CHD5: variants seen among roughly 807,000 people sequenced by gnomAD.
CHD5 encodes the protein ATP-dependent chromatin remodeler CHD5.
Under a neutral mutation model 230.3 loss-of-function variants are expected in CHD5, and 69 were observed. The ratio of observed to expected loss-of-function variants is 0.30; its 90% CI spans 0.25 to 0.37. The LOEUF (loss-of-function observed/expected upper bound fraction) is 0.37. Among genes scored for constraint, CHD5 ranks in the 10% least tolerant of loss-of-function variants. The pLI, the probability that CHD5 is intolerant of heterozygous loss-of-function variation, is 1.00. For synonymous variants in CHD5, 1,064 were observed against 1,065.9 expected (o/e 1.00, Z 0.03); for missense variants, 1,827 against 2,622.8 (o/e 0.70, Z 6.63).
Position 6,114,904 on chromosome 1 carries a change from C to A in CHD5, c.4913-1906G>T, listed in dbSNP as rs28592235. On this transcript the variant is annotated intron_variant, in intron 33 of 41. Coordinates refer to ENST00000262450, the MANE Select transcript of CHD5 (RefSeq NM_015557.3). ...TGGCAGGCACCTGTAATCCCAGCTA[C>A]TCAGGAGGCTGAGGCAGGAGAATCA... Among the ~76,000 whole-genome samples the A allele has an allele frequency of 9.8e-3, 1,483 of 151,946 alleles. 21 individuals carry two copies. Among genetic ancestry groups the A allele is most frequent in the Admixed American group, 0.019 (296 of 15,262 alleles).
At chr1:6,117,238 TAA>T (rs1666391949) in intron 33 of CHD5, among the ~76,000 whole-genome samples, 2 of 152,054 alleles carry the variant, frequency 1.3e-5, no homozygotes, top group African/African-American at 4.8e-5. Context: ...ACAACAAATG[TAA>T]AGAGATTAAA....
chr1:6,150,770 G>C (rs1220161863), intron 7 of CHD5, among the ~76,000 whole-genome samples: 2 of 152,096 alleles, frequency 1.3e-5, no homozygotes, highest in African/African-American at 4.8e-5. Context: ...ATGCCCTGGG[G>C]TAGCTCCCAC....
At chr1:6,111,646 G>A (rs979677736) in intron 36 of CHD5, 129 bp downstream of exon 36, 5 of 704,874 alleles carry the variant, frequency 7.1e-6, no homozygotes, top group Non-Finnish European at 1.2e-5. Flanking sequence ...AGGATTTCTA[G>A]CCACCGCCAG....
chr1:6,121,652 G>C lies in CHD5; in HGVS notation c.4700-79C>G. ...GGGCAGGGAGTGGGGTGGCAGAGAG[G>C]AGAGATGGGGGCTTGGCCTTCGGGA... On this transcript the variant is annotated intron_variant, in intron 31 of 41. Transcript: ENST00000262450. This position sits in a 1 kb window ranked among gnomAD's most constrained non-coding sequence, Gnocchi z 4.5. The C allele has an allele frequency of 2.0e-6, 2 of 1,016,300 alleles. No homozygotes were observed. The highest frequency in any genetic ancestry group is 3.0e-6 in the Non-Finnish European group (2 of 671,994). 63.0% of individuals were successfully genotyped at this position (1,016,300 alleles called of 1,614,324 possible). A position where few individuals can be genotyped will look rare whatever the true frequency, so the allele number is the denominator to read the frequency against.
In CHD5 at chr1:6,121,916, C is replaced by T. The variant is rs1212645841; in HGVS notation, c.4700-343G>A. Among the ~76,000 whole-genome samples the T allele has an allele frequency of 2.6e-5, 4 of 152,204 alleles. No homozygotes were observed. Among genetic ancestry groups the T allele is most frequent in the African/African-American group, 7.2e-5 (3 of 41,466 alleles). ...CGACACCCGCTCTGGTCCCAGCTTT[C>T]GGGCGGGCTGGCTGGTGTGTGCCTC... On this transcript the variant is annotated intron_variant, in intron 31 of 41. Transcript: ENST00000262450. The surrounding 1 kb of genome is among the most constrained non-coding windows in gnomAD (Gnocchi z 4.5).
In CHD5 at chr1:6,178,966, C is replaced by A. The variant is rs114300162; in HGVS notation, c.79+979G>T. Among the ~76,000 whole-genome samples the A allele has an allele frequency of 6.6e-3, 1,005 of 152,174 alleles. 12 individuals are homozygous for A. Among genetic ancestry groups the A allele is most frequent in the African/African-American group, 0.023 (955 of 41,508 alleles). ...AAGTCCAGAGAGGCCACAGACTTGG[C>A]GCAGGGAAGCCGAGAAGTAAGAGTC... On this transcript the variant is annotated intron_variant, in intron 1 of 41. Transcript: ENST00000262450.
In CHD5 at chr1:6,160,169, C is replaced by T. The variant is rs568529651; in HGVS notation, c.208-654G>A. On this transcript the variant is annotated intron_variant, in intron 2 of 41. Coordinates refer to ENST00000262450, the MANE Select transcript of CHD5 (RefSeq NM_015557.3). The stretch of plus-strand genomic sequence containing the variant: ...GAAGGGCCCCAGCAAGGGAAGAGCC[C>T]CAGCCAGGGAAGGGCCCCAGCCAGA... 2.9e-5 allele frequency among the ~76,000 whole-genome samples: 3 copies of T among 103,232 alleles called. No individual in the cohort carries two copies. The East Asian group carries it at 1.1e-3, about 37-fold the overall frequency. 67.7% of individuals were successfully genotyped at this position (103,232 alleles called of 152,430 possible).
chr1:6,172,754 C>T (rs1282185423), intron 1 of CHD5, among the ~76,000 whole-genome samples: 1 of 152,134 alleles, frequency 6.6e-6, no homozygotes, highest in Non-Finnish European at 1.5e-5. Flanking sequence ...TCACAGGTCC[C>T]TCAAGGGGGT....
chr1:6,119,657 GAAC>G (rs1319845226), intron 33 of CHD5, among the ~76,000 whole-genome samples: 6 of 151,644 alleles, frequency 4.0e-5, no homozygotes, highest in Non-Finnish European at 5.9e-5. Flanking sequence ...TTAAAAACTT[GAAC>G]AATATAATTA....
In CHD5 at chr1:6,135,308, C is replaced by T. The variant is rs2100851477; in HGVS notation, c.2792G>A (p.Arg931Gln). The T allele has an allele frequency of 6.2e-7, 1 of 1,614,120 alleles. No homozygotes were observed. The highest frequency in any genetic ancestry group is 8.5e-7 in the Non-Finnish European group (1 of 1,180,032). ...GTTCTTGAACACGTCAGCCTTGAGC[C>T]GCCTGAGCATGTGCGGCCCCAGCAG... ...HDLLGPHMLR[R>Q]LKADVFKNMP... The change falls in exon 18 of 42, where the codon CGG becomes CAG. Residue 931 changes from arginine to glutamine, a missense_variant. Physicochemically the swap from Arg to Gln is conservative, Grantham distance 43. Around this residue, in one of 14 missense-constraint regions of CHD5, gnomAD observed 52 missense variants for 164.5 expected, o/e 0.32. Transcript: ENST00000262450.
chr1:6,175,824 T>C (rs1667418487), intron 1 of CHD5, among the ~76,000 whole-genome samples: 1 of 150,028 alleles, frequency 6.7e-6, no homozygotes, highest in South Asian at 2.1e-4. Context: ...CATGGATACA[T>C]GGATGCATGG....
chr1:6,173,167 C>T (rs1451900378), intron 1 of CHD5, among the ~76,000 whole-genome samples: 8 of 150,860 alleles, frequency 5.3e-5, no homozygotes, highest in Admixed American at 2.6e-4. Context: ...TGCAGTGGCG[C>T]GATCTCGGCT....
chr1:6,166,474 G>A (rs1667256750), intron 2 of CHD5, among the ~76,000 whole-genome samples: 1 of 151,976 alleles, frequency 6.6e-6, no homozygotes, highest in South Asian at 2.1e-4. Flanking sequence ...CCCCAGCAAA[G>A]AGCACCGGGG....
chr1:6,159,165 G>A (rs974263906), intron 3 of CHD5, among the ~76,000 whole-genome samples, 171 bp downstream of exon 3: 1 of 151,600 alleles, frequency 6.6e-6, no homozygotes, highest in African/African-American at 2.4e-5. Flanking sequence ...AACCTGGGAG[G>A]CGGTTGCAGT....
chr1:6,112,246 A>C lies in CHD5; in HGVS notation c.5034T>G (p.Ile1678Met), dbSNP rs1371118721. Residue 1678 changes from isoleucine (I) to methionine (M), a missense_variant, in exon 35 of 42, where the codon ATT becomes ATG. By Grantham distance (10) the Ile-to-Met change is conservative (BLOSUM62 1). Coordinates refer to ENST00000262450, the MANE Select transcript of CHD5 (RefSeq NM_015557.3). ...DDTKAEEKEP[I>M]ETQQNGDKEE... ...CTTTGTCACCATTTTGCTGTGTTTC[A>C]ATGGGCTCCTTCTCCTCAGCCTTGG... 2.5e-6 allele frequency: 4 copies of C among 1,613,912 alleles called. No homozygotes were observed. The African/African-American group carries it at 4.0e-5, about 16-fold the overall frequency.
At chr1:6,152,599 A>G in intron 5 of CHD5, 63 bp from the exon 6 acceptor site, 3 of 1,607,484 alleles carry the variant, frequency 1.9e-6, no homozygotes, top group Admixed American at 3.3e-5. Context: ...TCCTGCCATC[A>G]TCTCACTGAG....
chr1:6,139,209 T>A (rs1423140152), intron 15 of CHD5, among the ~76,000 whole-genome samples: 1 of 148,816 alleles, frequency 6.7e-6, no homozygotes, highest in Non-Finnish European at 1.5e-5. Context: ...TTAACACTAC[T>A]AAACTGTTCT....
rs909836349 is a variant in CHD5, at chr1:6,110,285, C to G, written c.5382+109G>C. 63 of 1,300,528 alleles carry G rather than the reference C, an allele frequency of 4.8e-5. No individual in the cohort carries two copies. In the African/African-American group the frequency reaches 7.0e-4, roughly 14 times the overall value. 80.6% of individuals were successfully genotyped at this position (1,300,528 alleles called of 1,614,324 possible). A position where few individuals can be genotyped will look rare whatever the true frequency, so the allele number is the denominator to read the frequency against. On this transcript the variant is annotated intron_variant, in intron 37 of 41. Coordinates refer to ENST00000262450, the MANE Select transcript of CHD5 (RefSeq NM_015557.3). ...ACTGCTGCTTCGTGGCAGCGTGACCCAGGTACACGGGGAGGGGTTGCTGCT... is the reference window on the plus strand; with the variant it reads ...ACTGCTGCTTCGTGGCAGCGTGACCGAGGTACACGGGGAGGGGTTGCTGCT...
chr1:6,141,850 G>A (rs1022255250), intron 15 of CHD5, among the ~76,000 whole-genome samples: 1 of 152,158 alleles, frequency 6.6e-6, no homozygotes, highest in South Asian at 2.1e-4. Flanking sequence ...TCAGAGGCAC[G>A]TGGCCCTGCC....
Sources: gnomAD v4.1 joint callset for allele counts (sites outside exome capture counted in the v4.1 genomes callset) on GRCh38, gnomAD v4.1.1 for gene constraint, gnomAD v4.1.1 regional missense constraint, Gnocchi (gnomAD v3.1) non-coding constraint, MANE v1.5 for transcripts, NCBI Gene and HGNC (gene_info 2026-07-23, HGNC 2026-07-21) for gene names.